Variants in ACYP2 observed in about 807,000 individuals in gnomAD.
ACYP2 encodes acylphosphatase-2.
ACYP2 carries 12 observed loss-of-function variants against 11.2 expected under a neutral mutation model. The observed-to-expected ratio is 1.08, with a 90% CI of 0.69 to 1.74. The LOEUF (loss-of-function observed/expected upper bound fraction) is 1.74. Among genes scored for constraint, ACYP2 ranks in the 40% most tolerant of loss-of-function variants. The pLI, the probability that ACYP2 is intolerant of heterozygous loss-of-function variation, is 0.00. For missense variants in ACYP2, 134 were observed against 101.9 expected, an observed-to-expected ratio of 1.31 and a Z score of -1.35; for synonymous variants, 43 against 32.2, an observed-to-expected ratio of 1.33 and a Z score of -1.13.
At chr2:53,989,238 A>G (rs1262728204) in intron 2 of ACYP2, among the ~76,000 whole-genome samples, 1 of 148,272 alleles carries the variant, frequency 6.7e-6, no homozygotes, top group African/African-American at 2.5e-5. Context: ...ATAAGAAGAC[A>G]TATCTTTCAA....
intron 6 of ACYP2, among the ~76,000 whole-genome samples, chr2:54,198,983 C>G (rs1684636392): frequency 6.6e-6 from 1 of 152,182 alleles, no homozygotes. Flanking sequence ...CTATGATTCC[C>G]TTTCCTTCTC....
At chr2:54,043,190 C>G (rs2104564719) in intron 2 of ACYP2, among the ~76,000 whole-genome samples, 2 of 152,172 alleles carry the variant, frequency 1.3e-5, no homozygotes, top group South Asian at 4.1e-4. Flanking sequence ...TGCCAAACCC[C>G]AGAACTCTTA....
chr2:54,197,617 TG>T (rs1684546626), intron 6 of ACYP2, among the ~76,000 whole-genome samples: 1 of 152,012 alleles, frequency 6.6e-6, no homozygotes, highest in South Asian at 2.1e-4. Flanking sequence ...GAGACCCCAA[TG>T]GCAAGGAGAA....
chr2:54,223,946 T>A (rs1685899428), intron 6 of ACYP2, among the ~76,000 whole-genome samples: 1 of 152,148 alleles, frequency 6.6e-6, no homozygotes, highest in African/African-American at 2.4e-5. Context: ...GGGGGTATAT[T>A]CTTACCTAAT....
At chr2:54,290,809 A>ATAAC (rs1350682928) in intron 6 of ACYP2, among the ~76,000 whole-genome samples, 1 of 152,200 alleles carries the variant, frequency 6.6e-6, no homozygotes, top group African/African-American at 2.4e-5. Flanking sequence ...CGATTTTAAC[A>ATAAC]TAACTGGAAG....
intron 2 of ACYP2, among the ~76,000 whole-genome samples, chr2:54,044,969 G>A (rs939744780): frequency 1.1e-4 from 17 of 152,122 alleles, no homozygotes; most frequent in Admixed American, 7.9e-4. Context: ...CTTCCTCATC[G>A]TCATTTAGTG....
At chr2:54,156,381 C>A (rs921215441) in intron 6 of ACYP2, among the ~76,000 whole-genome samples, 4 of 152,116 alleles carry the variant, frequency 2.6e-5, no homozygotes, top group African/African-American at 4.8e-5. Context: ...TATTAAGCCC[C>A]GCATGCATTA....
At chr2:54,047,094 CA>C (rs1675567266) in intron 2 of ACYP2, among the ~76,000 whole-genome samples, 2 of 152,212 alleles carry the variant, frequency 1.3e-5, no homozygotes, top group South Asian at 4.1e-4. Flanking sequence ...GGCACCAAGG[CA>C]CTAAGGCACC....
chr2:54,290,742 G>A (rs1270584593), intron 6 of ACYP2, among the ~76,000 whole-genome samples: 3 of 152,122 alleles, frequency 2.0e-5, no homozygotes, highest in East Asian at 3.9e-4. Flanking sequence ...TCAGGGTGAG[G>A]GTGAAAACGC....
At chr2:54,095,663 G>A (rs1233167433) in intron 4 of ACYP2, among the ~76,000 whole-genome samples, 2 of 138,372 alleles carry the variant, frequency 1.4e-5, no homozygotes, top group Admixed American at 1.4e-4. Context: ...GCGGGGGGCT[G>A]ACCCCCCCAC....
intron 6 of ACYP2, among the ~76,000 whole-genome samples, chr2:54,277,475 C>T (rs1034245244): frequency 5.9e-5 from 9 of 152,058 alleles, no homozygotes; most frequent in East Asian, 3.9e-4. Flanking sequence ...GTCAGGAGTT[C>T]GAGACCAGCC....
intron 6 of ACYP2, chr2:54,222,979 T>G (rs1040299868): frequency 3.3e-5 from 5 of 152,234 alleles, no homozygotes; most frequent in African/African-American, 1.2e-4. Context: ...TTCATATTCT[T>G]TACTCTCTGT....
intron 1 of ACYP2, among the ~76,000 whole-genome samples, chr2:53,972,153 C>CA (rs370862243): frequency 4.0e-5 from 6 of 150,728 alleles, no homozygotes; most frequent in Admixed American, 6.6e-5. Flanking sequence ...ACTAAAAATA[C>CA]AAAAAAGTTA....
In ACYP2 at chr2:54,197,942, A is replaced by ATATTGTATTGTATTG. The variant is rs141209640; in HGVS notation, c.404+59274_404+59288dup. On this transcript the variant is annotated intron_variant, in intron 6 of 6. Coordinates refer to ENST00000607452, the MANE Select transcript of ACYP2 (RefSeq NM_001320586.2). ...ATTTTATTTTATTTATGTATGTATTATATTGTATTGTATTGTATTGTATTG... is the reference window on the plus strand; with the variant it reads ...ATTTTATTTTATTTATGTATGTATTATATTGTATTGTATTGTATTGTATTGTATTGTATTGTATTG... Among the ~76,000 whole-genome samples, 135 of 69,516 alleles carry ATATTGTATTGTATTG rather than the reference A, an allele frequency of 1.9e-3. 5 individuals are homozygous for ATATTGTATTGTATTG. The highest frequency in any genetic ancestry group is 0.01 in the East Asian group (21 of 2,034). The allele number at this position is 69,516 out of a possible 152,430, so 45.6% of individuals were successfully genotyped here.
intron 4 of ACYP2, among the ~76,000 whole-genome samples, chr2:54,126,853 G>C (rs147471961): frequency 0.052 from 7,818 of 151,672 alleles, 629 homozygotes; most frequent in African/African-American, 0.18. Context: ...ACCCGGGAGG[G>C]TGAGGCAGGA....
intron 6 of ACYP2, among the ~76,000 whole-genome samples, chr2:54,210,294 C>G (rs1052723354): frequency 6.6e-6 from 1 of 151,974 alleles, no homozygotes; most frequent in Non-Finnish European, 1.5e-5. Context: ...AATAAAATCC[C>G]TGGACTTCCA....
intron 6 of ACYP2, chr2:54,255,875 G>C (rs765513904): frequency 6.2e-7 from 1 of 1,614,024 alleles, no homozygotes; most frequent in Middle Eastern, 1.7e-4. Context: ...TCCGCGGGTG[G>C]TGGAGTCACT....
intron 6 of ACYP2, among the ~76,000 whole-genome samples, chr2:54,268,038 T>A (rs1688116692): frequency 6.6e-6 from 1 of 152,214 alleles, no homozygotes; most frequent in Non-Finnish European, 1.5e-5. Context: ...ATACAATACC[T>A]GCACCCCATT....
At chr2:53,979,195 G>T (rs1671633919) in intron 2 of ACYP2, among the ~76,000 whole-genome samples, 1 of 152,142 alleles carries the variant, frequency 6.6e-6, no homozygotes, top group African/African-American at 2.4e-5. Flanking sequence ...AACAAGATGT[G>T]GGGGTAGAAC....
Sources: allele counts gnomAD v4.1 joint callset (sites outside exome capture counted in the v4.1 genomes callset), GRCh38; gene constraint gnomAD v4.1.1; transcripts MANE v1.5; gene names NCBI Gene and HGNC (gene_info 2026-07-23, HGNC 2026-07-21).